Variants in MTHFD1 observed in about 807,000 individuals in gnomAD.
The protein encoded by MTHFD1 is methylenetetrahydrofolate dehydrogenase, cyclohydrolase and formyltetrahydrofolate synthetase 1, also known as C-1-tetrahydrofolate synthase, cytoplasmic.
A neutral mutation model predicts 110.3 loss-of-function variants in MTHFD1; 44 were observed. That is an observed-to-expected ratio of 0.40 (90% CI 0.31 to 0.51). The LOEUF is 0.51. Ranked by LOEUF, MTHFD1 falls within the 20% of genes least tolerant of loss-of-function variation. The probability of loss-of-function intolerance (pLI) is 0.60; values close to 1 mark genes in which losing one functional copy is unlikely to be tolerated. For missense variants in MTHFD1, 909 were observed against 1,173.1 expected (o/e 0.77, Z 3.29); for synonymous variants, 402 against 428.8 (o/e 0.94, Z 0.77).
intron 24 of MTHFD1, among the ~76,000 whole-genome samples, chr14:64,453,077 C>G (rs1308154579): frequency 1.3e-5 from 2 of 151,690 alleles, no homozygotes. Context: ...TAGTCAGCAA[C>G]ACTGTTTATG....
At chr14:64,401,635 G>A (rs905115063) in intron 2 of MTHFD1, among the ~76,000 whole-genome samples, 1 of 151,440 alleles carries the variant, frequency 6.6e-6, no homozygotes, top group East Asian at 1.9e-4. Context: ...CCCGGGAGGT[G>A]GAGGTTGCAG....
intron 22 of MTHFD1, chr14:64,447,981 GA>G (rs2078308039): frequency 1.8e-6 from 1 of 554,184 alleles, no homozygotes; most frequent in Non-Finnish European, 3.2e-6. Flanking sequence ...TGAAGGCTGG[GA>G]AACAAGCAGA....
At chr14:64,414,160 A>G (rs1461856519) in intron 4 of MTHFD1, among the ~76,000 whole-genome samples, 2 of 146,786 alleles carry the variant, frequency 1.4e-5, no homozygotes, top group Non-Finnish European at 3.0e-5. Flanking sequence ...ACGCCCAGCT[A>G]ATTTTTGTAT....
At chr14:64,426,400 T>TATCC (rs2078118803) in intron 11 of MTHFD1, among the ~76,000 whole-genome samples, 1 of 152,240 alleles carries the variant, frequency 6.6e-6, no homozygotes, top group Non-Finnish European at 1.5e-5. Flanking sequence ...TGGTCAAGGT[T>TATCC]ATCCATCTAG....
chr14:64,399,614 G>A (rs1030542504), intron 1 of MTHFD1, among the ~76,000 whole-genome samples: 20 of 139,598 alleles, frequency 1.4e-4, no homozygotes, highest in African/African-American at 8.3e-5. Context: ...AGCAGATATC[G>A]CACCATTGCA....
intron 24 of MTHFD1, among the ~76,000 whole-genome samples, chr14:64,453,341 G>T (rs1451605516): frequency 6.6e-6 from 1 of 152,062 alleles, no homozygotes; most frequent in African/African-American, 2.4e-5. Context: ...GGAGGCCAAG[G>T]CTGGCAGATC....
At chr14:64,447,119 C>T (rs1036253904) in intron 22 of MTHFD1, among the ~76,000 whole-genome samples, 1 of 146,400 alleles carries the variant, frequency 6.8e-6, no homozygotes, top group African/African-American at 2.5e-5. Flanking sequence ...ACTGGGATTA[C>T]AGGTGTGAGC....
intron 7 of MTHFD1, among the ~76,000 whole-genome samples, chr14:64,419,037 T>G (rs553214963): frequency 6.6e-6 from 1 of 152,170 alleles, no homozygotes; most frequent in African/African-American, 2.4e-5. Context: ...TTAAGCTTTT[T>G]GTAGCGACAG....
chr14:64,458,378 C>T, intron 27 of MTHFD1, 71 bp downstream of exon 27: 1 of 989,554 alleles, frequency 1.0e-6, no homozygotes. Context: ...AGGGCTCAAA[C>T]TGACGCTATA....
intron 2 of MTHFD1, 91 bp from the exon 3 acceptor site, chr14:64,410,999 C>T (rs924887170): frequency 2.7e-5 from 25 of 921,380 alleles, no homozygotes; most frequent in Middle Eastern, 2.2e-4. Context: ...CATGATTAAA[C>T]ATTTCTTTTA....
At chr14:64,435,695 C>A (rs745887349) in intron 16 of MTHFD1, 24 bp downstream of exon 16, 2 of 1,460,946 alleles carry the variant, frequency 1.4e-6, no homozygotes, top group African/African-American at 2.8e-5. Context: ...ATACAAGCCC[C>A]GTTTGTTTTG....
At chr14:64,423,297 A>G (rs2078089730) in intron 8 of MTHFD1, among the ~76,000 whole-genome samples, 1 of 152,148 alleles carries the variant, frequency 6.6e-6, no homozygotes, top group African/African-American at 2.4e-5. Context: ...TTTCAATTTC[A>G]GTAATGTACA....
At chr14:64,405,951 G>C in intron 2 of MTHFD1, among the ~76,000 whole-genome samples, 1 of 150,952 alleles carries the variant, frequency 6.6e-6, no homozygotes, top group East Asian at 1.9e-4. Context: ...ATTTATTTGT[G>C]TTTCATTATA....
chr14:64,447,841 A>G (rs1344710131), intron 22 of MTHFD1, among the ~76,000 whole-genome samples: 1 of 152,178 alleles, frequency 6.6e-6, no homozygotes, highest in Non-Finnish European at 1.5e-5. Flanking sequence ...TCATAACCCT[A>G]TGAATACATA....
chr14:64,449,514 G>T lies in MTHFD1; in HGVS notation c.2349G>T (p.Val783=). The T allele has an allele frequency of 6.2e-7, 1 of 1,614,210 alleles. No individual in the cohort carries two copies. ...GAGAACATGGGGCTTTTGATGCCGT[G>T]AAGTGCACTCACTGGGCAGAAGGGG... is the stretch of plus-strand genomic sequence containing the variant. ...LSREHGAFDA[V]KCTHWAEGGK... The change falls in exon 24 of 28, where the codon GTG becomes GTT. Residue 783 remains valine, a synonymous_variant. Transcript: ENST00000652337.
intron 26 of MTHFD1, among the ~76,000 whole-genome samples, chr14:64,456,997 T>C (rs2078485353): frequency 6.6e-6 from 1 of 152,236 alleles, no homozygotes; most frequent in Non-Finnish European, 1.5e-5. Context: ...AAGCCGTACA[T>C]ATTTGCATCT....
chr14:64,389,869 TAGAA>T (rs1272681403), intron 1 of MTHFD1, among the ~76,000 whole-genome samples: 2 of 152,220 alleles, frequency 1.3e-5, no homozygotes, highest in Admixed American at 6.5e-5. Flanking sequence ...ATCTTCCTTT[TAGAA>T]AGACTGATTG....
At chr14:64,388,702 C>A in intron 1 of MTHFD1, 1 of 599,696 alleles carries the variant, frequency 1.7e-6, no homozygotes, top group Non-Finnish European at 3.0e-6. Context: ...AGTCCTGTGC[C>A]GACTATGCTC....
intron 8 of MTHFD1, among the ~76,000 whole-genome samples, chr14:64,420,906 C>G (rs771796867): frequency 2.4e-4 from 37 of 152,152 alleles, no homozygotes; most frequent in Non-Finnish European, 4.9e-4. Flanking sequence ...GTGGAGTGGG[C>G]TACTCTTTCA....
Sources: gnomAD v4.1 joint callset for allele counts (sites outside exome capture counted in the v4.1 genomes callset) on GRCh38, gnomAD v4.1.1 for gene constraint, MANE v1.5 for transcripts, NCBI Gene and HGNC (gene_info 2026-07-23, HGNC 2026-07-21) for gene names.